The following OCIAD2 variants were observed in gnomAD, a reference collection of about 807,000 sequenced individuals.
The protein encoded by OCIAD2 is OCIA domain-containing protein 2.
Under a neutral mutation model 22.9 loss-of-function variants are expected in OCIAD2, and 29 were observed. The observed-to-expected ratio is 1.27, with a 90% CI of 0.94 to 1.73. The LOEUF (loss-of-function observed/expected upper bound fraction) is 1.73, where lower values mean the gene tolerates loss of function less well. Ranked by LOEUF, OCIAD2 falls within the 40% of genes most tolerant of loss-of-function variation. The probability of loss-of-function intolerance (pLI) is 0.00; values close to 1 mark genes in which losing one functional copy is unlikely to be tolerated. For synonymous variants in OCIAD2, 67 were observed against 60.2 expected (o/e 1.11, Z -0.52); for missense variants, 189 against 180.3 (o/e 1.05, Z -0.28).
Position 48,899,862 on chromosome 4 carries a change from G to A in OCIAD2, c.130C>T (p.Arg44Ter), listed in dbSNP as rs755681745. 16 of 1,613,284 alleles carry A rather than the reference G, an allele frequency of 9.9e-6. No homozygotes were observed. Among genetic ancestry groups the A allele is most frequent in the African/African-American group, 2.7e-5 (2 of 74,878 alleles). Residue 44 changes from arginine (R) to a stop codon, truncating the protein, a stop_gained, in exon 3 of 7, where the codon CGA becomes TGA. Coordinates refer to ENST00000508632, the MANE Select transcript of OCIAD2 (RefSeq NM_001014446.3). LOFTEE classifies it high-confidence loss of function. The stretch of plus-strand genomic sequence containing the variant: ...CAGAAACTTTCTTCCTGACATTCTC[G>A]CATAATCTTTGAGATCTCTGCTCTG... ...IHRAEISKIM[R>*]ECQEESFWKR...
intron 1 of OCIAD2, among the ~76,000 whole-genome samples, chr4:48,905,461 A>T (rs1482301748): frequency 6.6e-6 from 1 of 151,966 alleles, no homozygotes; most frequent in East Asian, 1.9e-4. Flanking sequence ...ATGACTGAGA[A>T]GGAATAGCTG....
At chr4:48,887,360 C>T (rs1463195051) in intron 6 of OCIAD2, among the ~76,000 whole-genome samples, 2 of 152,068 alleles carry the variant, frequency 1.3e-5, no homozygotes, top group Admixed American at 1.3e-4. Context: ...CATTTATCAA[C>T]TTTGGCTTTT....
intron 4 of OCIAD2, among the ~76,000 whole-genome samples, chr4:48,894,347 G>T (rs1236712200): frequency 6.6e-6 from 1 of 152,008 alleles, no homozygotes; most frequent in Non-Finnish European, 1.5e-5. Context: ...ACAAAACTTA[G>T]CCAGGCATGA....
chr4:48,903,881 G>T (rs1051017566), intron 2 of OCIAD2, among the ~76,000 whole-genome samples: 3 of 151,716 alleles, frequency 2.0e-5, no homozygotes, highest in Admixed American at 1.3e-4. Context: ...TCTTGACCTC[G>T]TGATCCACCC....
rs1560460046 is a variant in OCIAD2, at chr4:48,897,841, A to C, written c.180T>G (p.Leu60=). The C allele has an allele frequency of 3.1e-6, 5 of 1,612,760 alleles. No individual in the cohort carries two copies. Among genetic ancestry groups the C allele is most frequent in the Middle Eastern group, 1.6e-4 (1 of 6,082 alleles). The change falls in exon 4 of 7, where the codon CTT becomes CTG. Residue 60 remains leucine, a synonymous_variant. Transcript: ENST00000508632. ...SFWKRALPFS[L]VSMLVTQGLV... is the part of the protein sequence containing the mutation. ...GTCCCTGGGTGACAAGCATGCTTAC[A>C]AGAGAAAAAGGCAGAGCTGTAAAGC...
Position 48,894,058 on chromosome 4 carries a change from G to T in OCIAD2, c.218-5C>A. 1 of 1,405,326 alleles carries T rather than the reference G, an allele frequency of 7.1e-7. No homozygotes were observed. The highest frequency in any genetic ancestry group is 9.5e-7 in the Non-Finnish European group (1 of 1,047,274). The allele number at this position is 1,405,326 out of a possible 1,614,324, so 87.1% of individuals were successfully genotyped here. A position where few individuals can be genotyped will look rare whatever the true frequency, so the allele number is the denominator to read the frequency against. On this transcript the variant is annotated splice_region_variant and splice_polypyrimidine_tract_variant and intron_variant, in intron 4 of 6. Coordinates refer to ENST00000508632, the MANE Select transcript of OCIAD2 (RefSeq NM_001014446.3). ...TAGAATTAGCTGCCAAATAACCTAA[G>T]GAGTAATAAAGAAAAACATTATTAT...
Position 48,885,342 on chromosome 4 carries a change from C to T in OCIAD2, c.*142G>A. On this transcript the variant is annotated 3_prime_UTR_variant, in exon 7 of 7. Transcript: ENST00000508632. Reference sequence around the variant, plus strand: ...ATGTAACGCTTAGTTCACTTGAAAGCCTTCCACGGAATACATTTCAGTGAG... The same window carrying T: ...ATGTAACGCTTAGTTCACTTGAAAGTCTTCCACGGAATACATTTCAGTGAG... 2.9e-6 allele frequency: 2 copies of T among 686,670 alleles called. No homozygotes were observed. The highest frequency in any genetic ancestry group is 1.8e-5 in the South Asian group (1 of 55,298). 42.5% of individuals were successfully genotyped at this position (686,670 alleles called of 1,614,324 possible).
intron 3 of OCIAD2, 34 bp downstream of exon 3, chr4:48,899,795 T>C: frequency 6.9e-7 from 1 of 1,458,182 alleles, no homozygotes; most frequent in African/African-American, 1.4e-5. Context: ...TTTAGGCAGT[T>C]TACTGCCACA....
At chr4:48,886,950 C>A (rs1781005349) in intron 6 of OCIAD2, among the ~76,000 whole-genome samples, 2 of 152,160 alleles carry the variant, frequency 1.3e-5, no homozygotes, top group African/African-American at 2.4e-5. Flanking sequence ...AGTTTACAGT[C>A]CCACCAACAG....
intron 4 of OCIAD2, 91 bp from the exon 5 acceptor site, chr4:48,894,144 A>G: frequency 1.6e-6 from 1 of 628,860 alleles, no homozygotes; most frequent in Non-Finnish European, 2.4e-6. Context: ...GTATAAAGAA[A>G]CCTCCAAAAT....
Position 48,893,774 on chromosome 4 carries a change from G to GA in OCIAD2, c.265+231_265+232insT, listed in dbSNP as rs1483641530. ...CTGATTTTTCCAAAAGTCAATACAG[G>GA]CAGTTTAGTTAGGCTGGACATTCGT... On this transcript the variant is annotated intron_variant, in intron 5 of 6. Transcript: ENST00000508632. 4 of 279,000 alleles carry GA rather than the reference G, an allele frequency of 1.4e-5. No homozygotes were observed. The East Asian group carries it at 2.4e-4, about 17-fold the overall frequency. 17.3% of individuals were successfully genotyped at this position (279,000 alleles called of 1,614,324 possible). A position where few individuals can be genotyped will look rare whatever the true frequency, so the allele number is the denominator to read the frequency against.
intron 6 of OCIAD2, among the ~76,000 whole-genome samples, chr4:48,890,911 C>T (rs1781161634): frequency 6.6e-6 from 1 of 152,136 alleles, no homozygotes; most frequent in African/African-American, 2.4e-5. Context: ...TCACTTATTT[C>T]CCCCCATTGC....
intron 6 of OCIAD2, among the ~76,000 whole-genome samples, chr4:48,887,047 A>G (rs562022576): frequency 0.015 from 2,337 of 152,234 alleles, 15 homozygotes; most frequent in Middle Eastern, 0.061. Flanking sequence ...CTGGTGTGAG[A>G]TGGTATCTCA....
chr4:48,896,543 T>G (rs962681779), intron 4 of OCIAD2, among the ~76,000 whole-genome samples: 18 of 151,958 alleles, frequency 1.2e-4, no homozygotes, highest in Non-Finnish European at 2.5e-4. Context: ...CAGGGAGCCA[T>G]TATATCACTG....
At chr4:48,887,836 C>T (rs553320354) in intron 6 of OCIAD2, among the ~76,000 whole-genome samples, 1 of 152,162 alleles carries the variant, frequency 6.6e-6, no homozygotes, top group South Asian at 2.1e-4. Flanking sequence ...TTTTTGGTTC[C>T]ATATGAATTT....
At chr4:48,897,697 T>A (rs916486938) in intron 4 of OCIAD2, 107 bp downstream of exon 4, 2 of 832,554 alleles carry the variant, frequency 2.4e-6, no homozygotes, top group Non-Finnish European at 4.2e-6. Context: ...TCTGCATAAA[T>A]ACATCCTTCA....
intron 4 of OCIAD2, among the ~76,000 whole-genome samples, chr4:48,895,990 C>T (rs1579154179): frequency 1.3e-5 from 2 of 152,164 alleles, no homozygotes; most frequent in East Asian, 3.9e-4. Context: ...CGAGATCACA[C>T]CACTGCACTC....
At chr4:48,890,826 G>C (rs1428511382) in intron 6 of OCIAD2, among the ~76,000 whole-genome samples, 1 of 152,172 alleles carries the variant, frequency 6.6e-6, no homozygotes, top group Non-Finnish European at 1.5e-5. Flanking sequence ...GGGTGGGAAG[G>C]ATTACTTCGA....
At chr4:48,889,148 G>A (rs1181515773) in intron 6 of OCIAD2, among the ~76,000 whole-genome samples, 1 of 152,198 alleles carries the variant, frequency 6.6e-6, no homozygotes, top group African/African-American at 2.4e-5. Context: ...AGTATTCTCT[G>A]ACGGTAGTTT....
Sources: allele counts gnomAD v4.1 joint callset (sites outside exome capture counted in the v4.1 genomes callset), GRCh38; gene constraint gnomAD v4.1.1; transcripts MANE v1.5; gene names NCBI Gene and HGNC (gene_info 2026-07-23, HGNC 2026-07-21).